UNC5C: variants seen among roughly 807,000 people sequenced by gnomAD.
UNC5C encodes the protein unc-5 netrin receptor C.
A neutral mutation model predicts 99.8 loss-of-function variants in UNC5C; 47 were observed. The ratio of observed to expected loss-of-function variants is 0.47; its 90% CI spans 0.37 to 0.60. The LOEUF (loss-of-function observed/expected upper bound fraction) is 0.60. Among genes scored for constraint, UNC5C ranks in the 20% least tolerant of loss-of-function variants. The pLI is 0.00. For synonymous variants in UNC5C, 487 were observed against 452.2 expected (o/e 1.08, Z -0.98); for missense variants, 1,062 against 1,165.9 (o/e 0.91, Z 1.30).
chr4:95,183,099 T>TAATA (rs1736684480), intron 13 of UNC5C, 38 bp from the exon 14 acceptor site: 2 of 1,570,808 alleles, frequency 1.3e-6, no homozygotes, highest in Admixed American at 1.7e-5. Flanking sequence ...ATTGAAGGAC[T>TAATA]AATACCAAAA....
intron 7 of UNC5C, among the ~76,000 whole-genome samples, chr4:95,236,613 A>T (rs1055406372): frequency 6.6e-6 from 1 of 150,562 alleles, no homozygotes; most frequent in Admixed American, 6.6e-5. Flanking sequence ...AAGAAAAAAA[A>T]GAATAGAAAG....
chr4:95,268,666 G>A (rs1052157637), intron 4 of UNC5C, among the ~76,000 whole-genome samples: 13 of 152,136 alleles, frequency 8.5e-5, no homozygotes, highest in African/African-American at 1.9e-4. Context: ...GATTGGTATC[G>A]GGAGAAACGT....
At chr4:95,341,450 T>A (rs2621443) in intron 1 of UNC5C, among the ~76,000 whole-genome samples, 83,597 of 149,040 alleles carry the variant, frequency 0.56, 25,852 homozygotes, top group East Asian at 0.99. Flanking sequence ...CCATTTTTTT[T>A]ATAAGAAAGA....
At chr4:95,284,676 C>T (rs1159471970) in intron 3 of UNC5C, among the ~76,000 whole-genome samples, 1 of 152,026 alleles carries the variant, frequency 6.6e-6, no homozygotes, top group African/African-American at 2.4e-5. Flanking sequence ...ATGTAATCCA[C>T]AAAAGCAGAT....
intron 1 of UNC5C, among the ~76,000 whole-genome samples, chr4:95,336,389 A>G (rs1283412587): frequency 6.6e-6 from 1 of 151,936 alleles, no homozygotes; most frequent in Non-Finnish European, 1.5e-5. Context: ...AGGAGAACAG[A>G]GCTATTACTA....
At chr4:95,267,949 A>ATTTTTTTTTTTTTT (rs869293955) in intron 4 of UNC5C, among the ~76,000 whole-genome samples, 24 of 117,564 alleles carry the variant, frequency 2.0e-4, no homozygotes, top group African/African-American at 5.5e-4. Context: ...GAATTTTGTG[A>ATTTTTTTTTTTTTT]TTTTTTTTTT....
intron 1 of UNC5C, among the ~76,000 whole-genome samples, chr4:95,539,553 T>C (rs549072377): frequency 3.3e-4 from 51 of 152,330 alleles, no homozygotes; most frequent in African/African-American, 1.2e-3. Flanking sequence ...AAAAAGTTTT[T>C]TCCATTGGTT....
At chr4:95,204,611 C>T (rs28660566) in intron 11 of UNC5C, among the ~76,000 whole-genome samples, 14,607 of 152,260 alleles carry the variant, frequency 0.096, 1,256 homozygotes, top group African/African-American at 0.23. Flanking sequence ...AAAAGAAAAT[C>T]TCAGGCAGGA....
At chr4:95,446,697 C>T (rs569531489) in intron 1 of UNC5C, among the ~76,000 whole-genome samples, 3 of 152,226 alleles carry the variant, frequency 2.0e-5, no homozygotes, top group African/African-American at 4.8e-5. Flanking sequence ...ATTGTGTTGG[C>T]TACACAACTA....
intron 1 of UNC5C, among the ~76,000 whole-genome samples, chr4:95,531,610 A>C (rs1012637109): frequency 6.6e-6 from 1 of 152,248 alleles, no homozygotes; most frequent in African/African-American, 2.4e-5. Context: ...CTTGTCAAAA[A>C]ATCAAAATAT....
At chr4:95,251,193 G>T (rs114925913) in intron 4 of UNC5C, among the ~76,000 whole-genome samples, 1 of 152,186 alleles carries the variant, frequency 6.6e-6, no homozygotes, top group Non-Finnish European at 1.5e-5. Context: ...GATGGTTTAC[G>T]TGTAGCCTCA....
chr4:95,409,010 G>T (rs371098804), intron 1 of UNC5C, among the ~76,000 whole-genome samples: 1 of 152,184 alleles, frequency 6.6e-6, no homozygotes, highest in African/African-American at 2.4e-5. Flanking sequence ...AGAGGCAGGT[G>T]AAGTACACAG....
intron 4 of UNC5C, among the ~76,000 whole-genome samples, chr4:95,257,035 A>T (rs1252947500): frequency 6.6e-6 from 1 of 152,102 alleles, no homozygotes; most frequent in African/African-American, 2.4e-5. Context: ...CCACTGACTC[A>T]AATGTTAATT....
chr4:95,195,146 A>G (rs1393200516), intron 12 of UNC5C, among the ~76,000 whole-genome samples: 1 of 152,160 alleles, frequency 6.6e-6, no homozygotes, highest in Non-Finnish European at 1.5e-5. Flanking sequence ...TCTGGTGTCT[A>G]TTTTGTGCCA....
chr4:95,402,932 C>T (rs565874937), intron 1 of UNC5C, among the ~76,000 whole-genome samples: 5 of 152,262 alleles, frequency 3.3e-5, no homozygotes, highest in African/African-American at 1.2e-4. Flanking sequence ...TCTGAATTTT[C>T]AGTGATTCAC....
intron 1 of UNC5C, among the ~76,000 whole-genome samples, chr4:95,529,756 T>A (rs1319691885): frequency 2.0e-5 from 3 of 152,102 alleles, no homozygotes; most frequent in Non-Finnish European, 4.4e-5. Context: ...TAAATTAATT[T>A]AAAAATTCCC....
intron 1 of UNC5C, among the ~76,000 whole-genome samples, chr4:95,529,305 TA>T (rs1428325375): frequency 1.4e-5 from 2 of 148,074 alleles, no homozygotes; most frequent in African/African-American, 4.9e-5. Flanking sequence ...TATATATATT[TA>T]TATGTATATA....
intron 14 of UNC5C, among the ~76,000 whole-genome samples, chr4:95,175,298 G>C (rs1297309682): frequency 6.6e-6 from 1 of 151,886 alleles, no homozygotes; most frequent in Non-Finnish European, 1.5e-5. Context: ...GATGTTAGCT[G>C]GTTATTTTGC....
At chr4:95,530,160 T>G (rs574065545) in intron 1 of UNC5C, among the ~76,000 whole-genome samples, 1 of 152,356 alleles carries the variant, frequency 6.6e-6, no homozygotes, top group African/African-American at 2.4e-5. Flanking sequence ...ATTTTCTGTC[T>G]TGCTTTTAAG....
Sources: allele counts gnomAD v4.1 joint callset (sites outside exome capture counted in the v4.1 genomes callset), GRCh38; gene constraint gnomAD v4.1.1; transcripts MANE v1.5; gene names NCBI Gene and HGNC (gene_info 2026-07-23, HGNC 2026-07-21).